The following DIP2C variants were observed in gnomAD, a reference collection of about 807,000 sequenced individuals.
DIP2C encodes DIP2 acetate--CoA ligase C (putative).
Under a neutral mutation model 192.4 loss-of-function variants are expected in DIP2C, and 33 were observed. The ratio of observed to expected loss-of-function variants is 0.17; its 90% CI spans 0.13 to 0.23. DIP2C has a LOEUF of 0.23. DIP2C is among the 10% of genes least tolerant of loss of function. The pLI is 1.00. For missense variants in DIP2C, 1,537 were observed against 2,110.1 expected, an observed-to-expected ratio of 0.73 and a Z score of 5.32; for synonymous variants, 979 against 864.1, an observed-to-expected ratio of 1.13 and a Z score of -2.33.
chr10:578,477 G>C (rs531992453), intron 1 of DIP2C, among the ~76,000 whole-genome samples: 3 of 152,234 alleles, frequency 2.0e-5, no homozygotes, highest in African/African-American at 7.2e-5. Flanking sequence ...TCTCATCTGG[G>C]GATGAAACAC....
chr10:289,095 C>G (rs915346830), intron 32 of DIP2C, among the ~76,000 whole-genome samples: 33 of 152,350 alleles, frequency 2.2e-4, no homozygotes, highest in Non-Finnish European at 8.8e-5. Flanking sequence ...GACCATCACA[C>G]TCTTCATTCA....
intron 1 of DIP2C, among the ~76,000 whole-genome samples, chr10:604,510 G>A (rs1453268413): frequency 6.6e-6 from 1 of 152,244 alleles, no homozygotes; most frequent in Non-Finnish European, 1.5e-5. Flanking sequence ...TAAGTACAGT[G>A]TGCCTGTAGT....
chr10:411,061 A>G (rs113131342), intron 8 of DIP2C, among the ~76,000 whole-genome samples: 47 of 152,308 alleles, frequency 3.1e-4, no homozygotes, highest in African/African-American at 1.1e-3. Flanking sequence ...AAGCCCGGGA[A>G]GGAGGCGGGA....
At chr10:341,130 C>T (rs2132558378) in intron 29 of DIP2C, 69 bp downstream of exon 29, 3 of 1,604,400 alleles carry the variant, frequency 1.9e-6, no homozygotes, top group South Asian at 1.1e-5. Flanking sequence ...GGTTGCCTGG[C>T]TGGGTCTAAG....
intron 1 of DIP2C, among the ~76,000 whole-genome samples, chr10:592,942 G>C (rs1320298899): frequency 6.6e-6 from 1 of 152,152 alleles, no homozygotes; most frequent in Non-Finnish European, 1.5e-5. Context: ...TTTTAAACAC[G>C]AGGTCACTGT....
chr10:669,828 A>C (rs1429651229), intron 1 of DIP2C, among the ~76,000 whole-genome samples: 4 of 152,232 alleles, frequency 2.6e-5, no homozygotes, highest in African/African-American at 7.2e-5. Flanking sequence ...GATTTCCAAT[A>C]AGTGGGAAAC....
intron 1 of DIP2C, among the ~76,000 whole-genome samples, chr10:557,523 A>G (rs542488241): frequency 6.6e-6 from 1 of 151,256 alleles, no homozygotes; most frequent in African/African-American, 2.4e-5. Context: ...TTCCCACGAC[A>G]TCACGTTTCT....
At chr10:405,217 CTCCCG>C (rs1453986995) in intron 9 of DIP2C, among the ~76,000 whole-genome samples, 1 of 152,262 alleles carries the variant, frequency 6.6e-6, no homozygotes, top group Admixed American at 6.5e-5. Context: ...GATCAGCCCT[CTCCCG>C]AGAAGCACCT....
chr10:487,291 TCAAAC>T (rs1272991084), intron 1 of DIP2C, among the ~76,000 whole-genome samples: 1 of 152,160 alleles, frequency 6.6e-6, no homozygotes, highest in Non-Finnish European at 1.5e-5. Flanking sequence ...CTAAGACTGA[TCAAAC>T]CATAATTCCA....
intron 4 of DIP2C, among the ~76,000 whole-genome samples, chr10:435,625 G>A (rs1407180928): frequency 3.3e-5 from 5 of 152,098 alleles, no homozygotes; most frequent in Admixed American, 2.6e-4. Flanking sequence ...GCTTGCCTGT[G>A]ACCTCATGTC....
At chr10:289,027 G>A (rs563326171) in intron 32 of DIP2C, among the ~76,000 whole-genome samples, 1 of 152,396 alleles carries the variant, frequency 6.6e-6, no homozygotes, top group East Asian at 1.9e-4. Context: ...CCTCCCAGGT[G>A]CATTATTTAT....
At chr10:330,724 T>C (rs1051137122) in intron 29 of DIP2C, among the ~76,000 whole-genome samples, 2 of 151,520 alleles carry the variant, frequency 1.3e-5, no homozygotes, top group Non-Finnish European at 2.9e-5. Flanking sequence ...AGCAATCCTC[T>C]CTTGTTCCTG....
Position 281,212 on chromosome 10 carries a change from C to T in DIP2C, c.4406G>A (p.Ser1469Asn). ...IETSVIRAHKSVTECAVFTWT... is the reference protein window; with the variant it reads ...IETSVIRAHKNVTECAVFTWT... Reference sequence around the variant, plus strand: ...GCTCACGACTTACCATTCCGTAACGCTTTTATGGGCTCTGATGACCGAGGT... The same window carrying T: ...GCTCACGACTTACCATTCCGTAACGTTTTTATGGGCTCTGATGACCGAGGT... Residue 1469 changes from serine to asparagine, a missense_variant, in exon 36 of 37, where the codon AGC (serine) becomes AAC (asparagine). This residue lies in a region of DIP2C where 341 missense variants were observed against 551.7 expected (regional missense o/e 0.62). Transcript: ENST00000280886. 6.2e-7 allele frequency: 1 copy of T among 1,614,128 alleles called. No homozygotes were observed. The highest frequency in any genetic ancestry group is 1.1e-5 in the South Asian group (1 of 91,072).
In DIP2C at chr10:359,534, G is replaced by T. The variant is rs560279502; in HGVS notation, c.2795-1597C>A. Among the ~76,000 whole-genome samples, 130 of 152,298 alleles carry T rather than the reference G, an allele frequency of 8.5e-4. 3 individuals are homozygous for T. The South Asian group carries it at 0.026, about 31-fold the overall frequency. ...TTTTGAATTTTCACGTCGTAGTTGT[G>T]AACAGACTGAATTTCTTTTCTTAGT... On this transcript the variant is annotated intron_variant, in intron 22 of 36. Coordinates refer to ENST00000280886, the MANE Select transcript of DIP2C (RefSeq NM_014974.3).
intron 1 of DIP2C, among the ~76,000 whole-genome samples, chr10:545,983 G>T (rs949853875): frequency 1.3e-5 from 2 of 152,120 alleles, no homozygotes; most frequent in Non-Finnish European, 2.9e-5. Flanking sequence ...ATCACAAAAA[G>T]CTTTCTCATG....
intron 1 of DIP2C, among the ~76,000 whole-genome samples, chr10:642,986 T>G (rs1169955143): frequency 7.2e-6 from 1 of 138,612 alleles, no homozygotes; most frequent in East Asian, 2.2e-4. Context: ...GGCAGATCAC[T>G]TGAGGCCAAC....
intron 1 of DIP2C, among the ~76,000 whole-genome samples, chr10:511,256 C>T (rs1432598630): frequency 6.6e-6 from 1 of 152,166 alleles, no homozygotes; most frequent in Admixed American, 6.5e-5. Context: ...CAATCAAGGG[C>T]GGTGTGTCCT....
rs183554301 is a variant in DIP2C at position 482,146 on chromosome 10, G to A, written c.157+4313C>T. ...GCCACCTGGACACGGCCAAGTGCAC[G>A]GCCTGAGCAGAGTTCCTCATGTGGA... is the stretch of plus-strand genomic sequence containing the variant. On this transcript the variant is annotated intron_variant, in intron 2 of 36. Coordinates refer to ENST00000280886, the MANE Select transcript of DIP2C (RefSeq NM_014974.3). Among the ~76,000 whole-genome samples the A allele has an allele frequency of 6.6e-5, 10 of 152,284 alleles. No individual in the cohort carries two copies. The East Asian group carries it at 1.5e-3, about 24-fold the overall frequency.
intron 1 of DIP2C, among the ~76,000 whole-genome samples, chr10:659,295 A>G (rs571577923): frequency 6.6e-6 from 1 of 152,380 alleles, no homozygotes; most frequent in African/African-American, 2.4e-5. Context: ...ATGCACACAT[A>G]TACACATGCA....
Sources: gnomAD v4.1 joint callset for allele counts (sites outside exome capture counted in the v4.1 genomes callset) on GRCh38, gnomAD v4.1.1 for gene constraint, gnomAD v4.1.1 regional missense constraint, MANE v1.5 for transcripts, NCBI Gene and HGNC (gene_info 2026-07-23, HGNC 2026-07-21) for gene names.